Variants in SEC23A observed in about 807,000 individuals in gnomAD.
SEC23A encodes protein transport protein Sec23A.
Under a neutral mutation model 103.7 loss-of-function variants are expected in SEC23A, and 56 were observed. That is an observed-to-expected ratio of 0.54 (90% CI 0.44 to 0.67). SEC23A has a LOEUF of 0.67. SEC23A is among the 30% of genes least tolerant of loss of function. The pLI, the probability that SEC23A is intolerant of heterozygous loss-of-function variation, is 0.00. For synonymous variants in SEC23A, 281 were observed against 293.0 expected (o/e 0.96, Z 0.42); for missense variants, 784 against 936.4 (o/e 0.84, Z 2.12).
chr14:39,055,478 G>C (rs1387540546), intron 13 of SEC23A, among the ~76,000 whole-genome samples, 182 bp from the exon 14 acceptor site: 2 of 150,686 alleles, frequency 1.3e-5, no homozygotes, highest in African/African-American at 4.9e-5. Flanking sequence ...CGCGATCTCA[G>C]CTCACTGCAA....
At chr14:39,076,677 G>A (rs910321693) in intron 7 of SEC23A, among the ~76,000 whole-genome samples, 1 of 151,974 alleles carries the variant, frequency 6.6e-6, no homozygotes, top group Non-Finnish European at 1.5e-5. Context: ...TGTAATCCCA[G>A]CACTTTGGGA....
intron 13 of SEC23A, 88 bp from the exon 14 acceptor site, chr14:39,055,384 A>G: frequency 7.1e-7 from 1 of 1,405,608 alleles, no homozygotes. Context: ...TAAATTTAAA[A>G]GATAAAAGAT....
intron 19 of SEC23A, among the ~76,000 whole-genome samples, chr14:39,036,539 G>C (rs1885468070): frequency 1.3e-5 from 2 of 151,956 alleles, no homozygotes; most frequent in Admixed American, 1.3e-4. Context: ...AAAAGAAACA[G>C]GCAATTATCC....
At position 39,095,816 on chromosome 14, in the gene SEC23A, G is replaced by A. The variant is rs781109710; in HGVS notation, c.221+82C>T. On this transcript the variant is annotated intron_variant, in intron 2 of 19. Transcript: ENST00000307712. ...AAAATTAGTATGAACAAAAACAAAG[G>A]GATTTTTATAAAAATATGCAGAAAA... is the stretch of plus-strand genomic sequence containing the variant. The A allele has an allele frequency of 1.3e-4, 147 of 1,119,116 alleles. 1 individual carries two copies. The highest frequency in any genetic ancestry group is 1.8e-4 in the Non-Finnish European group (137 of 755,062). 69.3% of individuals were successfully genotyped at this position (1,119,116 alleles called of 1,614,324 possible).
chr14:39,053,819 A>C (rs571540807), intron 14 of SEC23A, among the ~76,000 whole-genome samples: 2 of 152,220 alleles, frequency 1.3e-5, no homozygotes, highest in Non-Finnish European at 2.9e-5. Context: ...GAGGTTGCTA[A>C]GTAAAAATGA....
intron 13 of SEC23A, among the ~76,000 whole-genome samples, chr14:39,057,858 G>T (rs1383562976): frequency 6.6e-6 from 1 of 152,188 alleles, no homozygotes; most frequent in East Asian, 1.9e-4. Context: ...AATGAATAAA[G>T]TGTCGGAAGT....
chr14:39,033,796 C>A (rs994453473), intron 19 of SEC23A, among the ~76,000 whole-genome samples: 2 of 151,818 alleles, frequency 1.3e-5, no homozygotes, highest in African/African-American at 4.8e-5. Context: ...AAGTAATTAA[C>A]AAGAGTTAGG....
chr14:39,091,844 T>C, intron 4 of SEC23A, 131 bp from the exon 5 acceptor site: 1 of 701,312 alleles, frequency 1.4e-6, no homozygotes, highest in Non-Finnish European at 2.5e-6. Flanking sequence ...TGAAACAGGT[T>C]ATTTCTACTG....
chr14:39,098,289 GA>G (rs953257004), intron 1 of SEC23A, among the ~76,000 whole-genome samples: 4 of 151,798 alleles, frequency 2.6e-5, no homozygotes, highest in Non-Finnish European at 4.4e-5. Context: ...GGGTGAGGGG[GA>G]GATTAGAAAT....
chr14:39,081,769 A>G (rs1594473144), intron 7 of SEC23A, among the ~76,000 whole-genome samples: 1 of 152,218 alleles, frequency 6.6e-6, no homozygotes, highest in East Asian at 1.9e-4. Context: ...AATTTTTTTT[A>G]TTTTAATAGA....
At position 39,085,685 on chromosome 14, in the gene SEC23A, T is replaced by TACACACACAC. The variant is rs202142857; in HGVS notation, c.828+76_828+77insGTGTGTGTGT. ...TTGGTTCTTCTTATCCTTATAATTA[T>TACACACACAC]ATATACACACACACACACACACACA... On this transcript the variant is annotated intron_variant, in intron 7 of 19. Coordinates refer to ENST00000307712, the MANE Select transcript of SEC23A (RefSeq NM_006364.4). 1.9e-4 allele frequency: 183 copies of TACACACACAC among 957,368 alleles called. 3 individuals are homozygous for TACACACACAC. The highest frequency in any genetic ancestry group is 6.2e-4 in the African/African-American group (24 of 39,008). The allele number at this position is 957,368 out of a possible 1,614,324, so 59.3% of individuals were successfully genotyped here. A position where few individuals can be genotyped will look rare whatever the true frequency, so the allele number is the denominator to read the frequency against.
chr14:39,038,408 A>G (rs1179744610), intron 19 of SEC23A, among the ~76,000 whole-genome samples: 1 of 152,236 alleles, frequency 6.6e-6, no homozygotes, highest in Non-Finnish European at 1.5e-5. Flanking sequence ...TTAGACTACA[A>G]GCTCTCCAAA....
chr14:39,097,554 A>C (rs1887930536), intron 1 of SEC23A, among the ~76,000 whole-genome samples: 1 of 152,250 alleles, frequency 6.6e-6, no homozygotes, highest in Non-Finnish European at 1.5e-5. Context: ...CTTTCAAATA[A>C]ATTTTCATAA....
chr14:39,064,745 T>C lies in SEC23A; in HGVS notation c.1308+168A>G, dbSNP rs77712593. On this transcript the variant is annotated intron_variant, in intron 11 of 19. Transcript: ENST00000307712. ...CGTTCGCTGTGTCTTTTTTTCTTTT[T>C]TGGGGGGATAACAGGAGGGGAACAG... is the stretch of plus-strand genomic sequence containing the variant. The C allele has an allele frequency of 2.6e-4, 168 of 645,238 alleles. 1 individual carries two copies. In the East Asian group the frequency reaches 3.7e-3, roughly 14 times the overall value. The allele number at this position is 645,238 out of a possible 1,614,324, so 40.0% of individuals were successfully genotyped here.
intron 15 of SEC23A, among the ~76,000 whole-genome samples, chr14:39,046,135 T>C (rs1594439548): frequency 6.6e-6 from 1 of 152,192 alleles, no homozygotes; most frequent in East Asian, 1.9e-4. Flanking sequence ...CTTTCCGCCA[T>C]GATTGTGAGT....
intron 1 of SEC23A, among the ~76,000 whole-genome samples, chr14:39,099,448 G>A (rs1010652213): frequency 4.0e-5 from 6 of 151,846 alleles, no homozygotes; most frequent in Non-Finnish European, 7.4e-5. Flanking sequence ...TTGAGGCACC[G>A]CTCCCCGCCA....
chr14:39,092,793 T>C, intron 3 of SEC23A, 166 bp from the exon 4 acceptor site: 1 of 586,510 alleles, frequency 1.7e-6, no homozygotes, highest in South Asian at 2.2e-5. Flanking sequence ...TTTTTCTACA[T>C]GACTAGTATT....
At chr14:39,081,928 G>A (rs1351514154) in intron 7 of SEC23A, among the ~76,000 whole-genome samples, 1 of 151,976 alleles carries the variant, frequency 6.6e-6, no homozygotes, top group Non-Finnish European at 1.5e-5. Context: ...CCAGGGTAAG[G>A]GTGCACATGA....
chr14:39,099,895 T>C (rs1375155199), intron 1 of SEC23A, among the ~76,000 whole-genome samples: 2 of 152,092 alleles, frequency 1.3e-5, no homozygotes, highest in East Asian at 3.8e-4. Flanking sequence ...GGATACTCAA[T>C]AATGTTTAAG....
Sources: gnomAD v4.1 joint callset for allele counts (sites outside exome capture counted in the v4.1 genomes callset) on GRCh38, gnomAD v4.1.1 for gene constraint, MANE v1.5 for transcripts, NCBI Gene and HGNC (gene_info 2026-07-23, HGNC 2026-07-21) for gene names.